The following BRSK2 variants were observed in gnomAD, a reference collection of about 807,000 sequenced individuals.
BRSK2 encodes BR serine/threonine kinase 2, also known as serine/threonine-protein kinase BRSK2.
BRSK2 carries 19 observed loss-of-function variants against 83.3 expected under a neutral mutation model. That is an observed-to-expected ratio of 0.23 (90% CI 0.16 to 0.33). BRSK2 has a LOEUF of 0.33. Ranked by LOEUF, BRSK2 falls within the 10% of genes least tolerant of loss-of-function variation. BRSK2 has a pLI of 1.00. For synonymous variants in BRSK2, 519 were observed against 435.4 expected (o/e 1.19, Z -2.39); for missense variants, 798 against 1,042.3 (o/e 0.77, Z 3.23).
Position 1,454,301 on chromosome 11 carries a change from GGCATATGGGCTAGGGTTAGGGC to G in BRSK2, c.1545-182_1545-161del. ...GGGTTAGAGCCACGGTGATGGTCAG[GGCATATGGGCTAGGGTTAGGGC>G]GTTGGGGTCAGGGCCATGGGTTCTG... is the stretch of plus-strand genomic sequence containing the variant. On this transcript the variant is annotated intron_variant, in intron 15 of 19. Transcript: ENST00000528841. The surrounding 1 kb of genome is among the most constrained non-coding windows in gnomAD (Gnocchi z 5.2). The G allele has an allele frequency of 1.5e-6, 1 of 654,488 alleles. No homozygotes were observed. Among genetic ancestry groups the G allele is most frequent in the Non-Finnish European group, 2.6e-6 (1 of 377,642 alleles). The allele number at this position is 654,488 out of a possible 1,614,324, so 40.5% of individuals were successfully genotyped here.
chr11:1,438,452 T>G lies in BRSK2; in HGVS notation c.272+61T>G, dbSNP rs909110529. 3.4e-6 allele frequency: 5 copies of G among 1,474,386 alleles called. No homozygotes were observed. The highest frequency in any genetic ancestry group is 4.7e-6 in the Non-Finnish European group (5 of 1,056,568). The allele number at this position is 1,474,386 out of a possible 1,614,324, so 91.3% of individuals were successfully genotyped here. A position where few individuals can be genotyped will look rare whatever the true frequency, so the allele number is the denominator to read the frequency against. On this transcript the variant is annotated intron_variant, in intron 3 of 19. Transcript: ENST00000528841. The surrounding 1 kb of genome is among the most constrained non-coding windows in gnomAD (Gnocchi z 6.4). ...GAGGTGGCAGCTGTCGCTGCAGGGG[T>G]GGGTGTCTGGGGCTTGGGGAGCACA...
chr11:1,425,465 G>A lies in BRSK2; in HGVS notation c.92-10575G>A, dbSNP rs373167030. The stretch of plus-strand genomic sequence containing the variant: ...AGGCCCGCTTGGTCCCAGAGGTGCG[G>A]GTTGGTGACAGCGACGGGGCAGGTT... On this transcript the variant is annotated intron_variant, in intron 1 of 19. Coordinates refer to ENST00000528841, the MANE Select transcript of BRSK2 (RefSeq NM_001256627.2). Among the ~76,000 whole-genome samples the A allele has an allele frequency of 2.4e-3, 362 of 152,322 alleles. 1 individual carries two copies. The highest frequency in any genetic ancestry group is 6.8e-3 in the Middle Eastern group (2 of 294).
chr11:1,424,406 C>T (rs754582428), intron 1 of BRSK2, among the ~76,000 whole-genome samples: 20 of 152,306 alleles, frequency 1.3e-4, no homozygotes, highest in Middle Eastern at 3.4e-3. Flanking sequence ...GGTGTCCTGC[C>T]GGGGTGGCCC....
chr11:1,434,457 A>C (rs867803556), intron 1 of BRSK2, among the ~76,000 whole-genome samples: 24 of 119,712 alleles, frequency 2.0e-4, no homozygotes, highest in African/African-American at 6.6e-4. Flanking sequence ...ATGGGCCAGG[A>C]TCTGCGTGTC....
intron 1 of BRSK2, among the ~76,000 whole-genome samples, chr11:1,392,640 C>T (rs1028515148): frequency 2.0e-5 from 3 of 152,290 alleles, no homozygotes; most frequent in African/African-American, 7.2e-5. Flanking sequence ...GGTCCGAAAC[C>T]TGCCCTTGGG....
intron 1 of BRSK2, among the ~76,000 whole-genome samples, chr11:1,425,710 C>T (rs192221982): frequency 1.9e-3 from 293 of 152,326 alleles, no homozygotes; most frequent in Non-Finnish European, 2.3e-3. Flanking sequence ...TCTCCACTGG[C>T]CTTGGGGTAG....
At chr11:1,422,876 C>T (rs531005436) in intron 1 of BRSK2, among the ~76,000 whole-genome samples, 42 of 152,314 alleles carry the variant, frequency 2.8e-4, no homozygotes, top group African/African-American at 8.9e-4. Flanking sequence ...GGCCGCTGCC[C>T]ACCCAGCAAG....
intron 4 of BRSK2, 80 bp downstream of exon 4, chr11:1,441,008 C>T: frequency 7.9e-7 from 1 of 1,263,550 alleles, no homozygotes; most frequent in Non-Finnish European, 1.1e-6. Flanking sequence ...CCCTGTGCCC[C>T]AAGGACTACA....
At chr11:1,396,468 G>A (rs531961062) in intron 1 of BRSK2, among the ~76,000 whole-genome samples, 175 of 152,294 alleles carry the variant, frequency 1.1e-3, no homozygotes, top group Non-Finnish European at 1.9e-3. Context: ...ACCCTGCTCC[G>A]GCGCTCTGGG....
At chr11:1,456,821 C>T in intron 18 of BRSK2, 134 bp downstream of exon 18, 2 of 1,320,476 alleles carry the variant, frequency 1.5e-6, no homozygotes, top group Non-Finnish European at 2.1e-6. Context: ...CACCTCCCTG[C>T]CCCGAGCTGT....
chr11:1,408,813 G>T (rs1451145824), intron 1 of BRSK2, among the ~76,000 whole-genome samples: 1 of 57,980 alleles, frequency 1.7e-5, no homozygotes, highest in African/African-American at 5.1e-5. Context: ...GCCTGTGCTG[G>T]TGTGTGTGTG....
At chr11:1,446,858 G>C (rs1852209517) in intron 12 of BRSK2, among the ~76,000 whole-genome samples, 1 of 152,176 alleles carries the variant, frequency 6.6e-6, no homozygotes, top group Non-Finnish European at 1.5e-5. Flanking sequence ...CCTGTGATCT[G>C]GGCCTCAGCA....
chr11:1,444,922 T>C (rs1421028404), intron 8 of BRSK2, 49 bp from the exon 9 acceptor site: 1 of 1,578,928 alleles, frequency 6.3e-7, no homozygotes, highest in Admixed American at 1.7e-5. Flanking sequence ...TAATGTGGGC[T>C]CTTTCCGTCC....
At chr11:1,445,533 C>T (rs770211107) in intron 10 of BRSK2, 38 bp from the exon 11 acceptor site, 61 of 1,598,610 alleles carry the variant, frequency 3.8e-5, no homozygotes, top group Middle Eastern at 1.7e-4. Context: ...CCGGCGGCCC[C>T]GTGTGCCAGC....
chr11:1,451,000 TTC>T (rs975508937), intron 14 of BRSK2, among the ~76,000 whole-genome samples: 4 of 152,188 alleles, frequency 2.6e-5, no homozygotes, highest in Non-Finnish European at 4.4e-5. Context: ...CCTCCAGACA[TTC>T]TGTGTTCCTG....
intron 1 of BRSK2, among the ~76,000 whole-genome samples, chr11:1,410,240 G>A (rs1456442396): frequency 1.2e-5 from 1 of 82,650 alleles, no homozygotes; most frequent in Non-Finnish European, 2.3e-5. Context: ...TTGTGACGTC[G>A]GCCTCGCAGA....
chr11:1,446,045 T>G lies in BRSK2; in HGVS notation c.1226+138T>G, dbSNP rs1008063222. The G allele has an allele frequency of 1.2e-4, 101 of 810,022 alleles. No homozygotes were observed. In the African/African-American group the frequency reaches 2.1e-3, roughly 17 times the overall value. The allele number at this position is 810,022 out of a possible 1,614,324, so 50.2% of individuals were successfully genotyped here. On this transcript the variant is annotated intron_variant, in intron 12 of 19. Transcript: ENST00000528841. ...GGGGCTGTATGGGCTAAACTGGGCT[T>G]AGCTGGGCTGGGCTGGGCTGGGCTT...
intron 1 of BRSK2, chr11:1,411,148 C>T (rs1484135707): frequency 1.6e-6 from 2 of 1,221,888 alleles, no homozygotes; most frequent in Non-Finnish European, 2.0e-6. Context: ...AGGGTGGGGG[C>T]TCCAGTCTCA....
intron 1 of BRSK2, among the ~76,000 whole-genome samples, chr11:1,399,551 C>T (rs1004580923): frequency 2.3e-4 from 35 of 152,084 alleles, no homozygotes; most frequent in Non-Finnish European, 4.0e-4. Flanking sequence ...TGTGGCAAGG[C>T]CGGGCTGGTC....
Sources: gnomAD v4.1 joint callset for allele counts (sites outside exome capture counted in the v4.1 genomes callset) on GRCh38, gnomAD v4.1.1 for gene constraint, Gnocchi (gnomAD v3.1) non-coding constraint, MANE v1.5 for transcripts, NCBI Gene and HGNC (gene_info 2026-07-23, HGNC 2026-07-21) for gene names.